Variants in RYR1 observed in about 807,000 individuals in gnomAD.
RYR1 encodes ryanodine receptor 1, also known as central core disease of muscle.
In RYR1, 342 loss-of-function variants were observed where a neutral mutation model predicts 583.5. The observed-to-expected ratio is 0.59, with a 90% CI of 0.54 to 0.64. The LOEUF (loss-of-function observed/expected upper bound fraction) is 0.64. Ranked by LOEUF, RYR1 falls within the 30% of genes least tolerant of loss-of-function variation. The pLI is 0.00. For synonymous variants in RYR1, 2,791 were observed against 2,822.5 expected, an observed-to-expected ratio of 0.99 and a Z score of 0.35; for missense variants, 6,032 against 6,917.2, an observed-to-expected ratio of 0.87 and a Z score of 4.54.
chr19:38,463,561 C>T, intron 21 of RYR1, 34 bp downstream of exon 21: 1 of 1,597,474 alleles, frequency 6.3e-7, no homozygotes, highest in South Asian at 1.1e-5. Flanking sequence ...GGGAGGCCGG[C>T]TAGACTTGCG....
chr19:38,462,218 G>A (rs932608358), intron 20 of RYR1, among the ~76,000 whole-genome samples: 7 of 152,152 alleles, frequency 4.6e-5, no homozygotes, highest in Admixed American at 6.5e-5. Flanking sequence ...TTGTTCCTCC[G>A]TGAGGAAAAG....
chr19:38,448,437 G>T lies in RYR1; in HGVS notation c.883G>T (p.Asp295Tyr). ...TTGQYLALTE[D>Y]QGLVVVDASK... ...CGGGCAGTACCTAGCGCTCACCGAG[G>T]ACCAGGGCCTGGTGGTGGTTGACGC... is the stretch of plus-strand genomic sequence containing the variant. The change falls in exon 10 of 106, where the codon GAC becomes TAC. Residue 295 changes from aspartate to tyrosine, a missense_variant. Physicochemically the swap from Asp to Tyr is radical, Grantham distance 160. Around this residue, in one of 11 missense-constraint regions of RYR1, gnomAD observed 338 missense variants for 441.6 expected, o/e 0.77. Coordinates refer to ENST00000359596, the MANE Select transcript of RYR1 (RefSeq NM_000540.3). The T allele has an allele frequency of 1.2e-6, 2 of 1,613,796 alleles. No homozygotes were observed. Among genetic ancestry groups the T allele is most frequent in the Non-Finnish European group, 1.7e-6 (2 of 1,180,020 alleles).
chr19:38,571,355 C>T (rs1973704612), intron 94 of RYR1, among the ~76,000 whole-genome samples: 1 of 152,140 alleles, frequency 6.6e-6, no homozygotes, highest in South Asian at 2.1e-4. Context: ...GATAAGGCAC[C>T]AGGCACAGTG....
At chr19:38,567,096 G>C in intron 92 of RYR1, 109 bp downstream of exon 92, 1 of 1,524,268 alleles carries the variant, frequency 6.6e-7, no homozygotes, top group Non-Finnish European at 8.8e-7. Context: ...CTGTGTCCTC[G>C]GCATCACCCA....
chr19:38,516,815 AT>A (rs1970992392), intron 65 of RYR1, among the ~76,000 whole-genome samples: 1 of 152,228 alleles, frequency 6.6e-6, no homozygotes, highest in African/African-American at 2.4e-5. Flanking sequence ...ACAGACAAAA[AT>A]CCCCTGAGTC....
In RYR1 at chr19:38,483,128, A is replaced by G. The variant is rs547160787; in HGVS notation, c.4707+15A>G. On this transcript the variant is annotated intron_variant, in intron 32 of 105. Transcript: ENST00000359596. This position sits in a 1 kb window ranked among gnomAD's most constrained non-coding sequence, Gnocchi z 6.3. ...GGAAGCAGAAGGTACAAGTGCAGTG[A>G]TGGGGGCACTAATGGGGCCAGGCTG... 1 of 1,612,994 alleles carries G rather than the reference A, an allele frequency of 6.2e-7. No homozygotes were observed. The highest frequency in any genetic ancestry group is 1.3e-5 in the African/African-American group (1 of 74,974).
At chr19:38,448,198 G>A (rs1271865405) in intron 9 of RYR1, among the ~76,000 whole-genome samples, 157 bp from the exon 10 acceptor site, 3 of 152,064 alleles carry the variant, frequency 2.0e-5, no homozygotes, top group Non-Finnish European at 4.4e-5. Flanking sequence ...TTGGGAGGCC[G>A]AGGTGGGAGG....
intron 71 of RYR1, among the ~76,000 whole-genome samples, chr19:38,526,059 G>A (rs1971454451): frequency 6.6e-6 from 1 of 152,000 alleles, no homozygotes; most frequent in Non-Finnish European, 1.5e-5. Context: ...AAGACTCTCA[G>A]GGGCTCAGGG....
Position 38,496,186 on chromosome 19 carries a change from G to A in RYR1, c.6549-29G>A. ...GGCCCTCTCCGGACCTGGGCCCCTG[G>A]TGACCCCGCACACTCTGCCCGTGCA... On this transcript the variant is annotated intron_variant, in intron 39 of 105. Coordinates refer to ENST00000359596, the MANE Select transcript of RYR1 (RefSeq NM_000540.3). This position sits in a 1 kb window ranked among gnomAD's most constrained non-coding sequence, Gnocchi z 4.8. 1.2e-5 allele frequency: 19 copies of A among 1,598,744 alleles called. No homozygotes were observed. Among genetic ancestry groups the A allele is most frequent in the Non-Finnish European group, 1.6e-5 (19 of 1,168,148 alleles).
intron 89 of RYR1, among the ~76,000 whole-genome samples, chr19:38,556,808 G>A (rs990207418): frequency 9.2e-5 from 14 of 152,112 alleles, no homozygotes; most frequent in African/African-American, 2.9e-4. Flanking sequence ...TGACCAATGC[G>A]TCCTTGTGGT....
At position 38,565,131 on chromosome 19, in the gene RYR1, G is replaced by C; in HGVS notation, c.12797G>C (p.Gly4266Ala). 2.0e-6 allele frequency: 3 copies of C among 1,530,648 alleles called. No homozygotes were observed. The highest frequency in any genetic ancestry group is 2.6e-6 in the Non-Finnish European group (3 of 1,142,660). 94.8% of individuals were successfully genotyped at this position (1,530,648 alleles called of 1,614,324 possible). ...EPETDEDEGA[G>A]AAEAGAEGAE... ...GAGACCGACGAGGACGAGGGCGCGG[G>C]CGCGGCGGAGGCGGGCGCGGAAGGC... The change falls in exon 91 of 106, where the codon GGC becomes GCC. Residue 4266 changes from glycine to alanine, a missense_variant. Transcript: ENST00000359596. The surrounding 1 kb of genome is among the most constrained non-coding windows in gnomAD (Gnocchi z 4.7).
intron 37 of RYR1, among the ~76,000 whole-genome samples, chr19:38,491,929 T>C (rs1045320602): frequency 1.3e-5 from 2 of 152,244 alleles, no homozygotes; most frequent in African/African-American, 4.8e-5. Context: ...TATTCACTAC[T>C]GGATAAGTCA....
At chr19:38,525,529 C>A (rs1163334919) in intron 71 of RYR1, 27 bp downstream of exon 71, 6 of 1,610,826 alleles carry the variant, frequency 3.7e-6, no homozygotes, top group East Asian at 4.5e-5. Context: ...GTCCTCGGAA[C>A]CTTCCAGGAT....
chr19:38,511,900 A>T (rs1205078457), intron 61 of RYR1, among the ~76,000 whole-genome samples, 172 bp from the exon 62 acceptor site: 2 of 150,006 alleles, frequency 1.3e-5, no homozygotes, highest in Non-Finnish European at 3.0e-5. Flanking sequence ...TGGGCTGGGG[A>T]GGAGGGACAT....
intron 58 of RYR1, among the ~76,000 whole-genome samples, chr19:38,508,214 T>C (rs1445556478): frequency 2.6e-5 from 4 of 152,038 alleles, no homozygotes; most frequent in African/African-American, 9.7e-5. Context: ...ATTTTATTTA[T>C]TTATTTATTT....
At chr19:38,473,182 G>T (rs1157687292) in intron 27 of RYR1, among the ~76,000 whole-genome samples, 195 bp from the exon 28 acceptor site, 1 of 152,092 alleles carries the variant, frequency 6.6e-6, no homozygotes, top group Non-Finnish European at 1.5e-5. Flanking sequence ...TGTTGCAGAG[G>T]GCTGCAAGCA....
At chr19:38,465,630 G>A (rs1436735024) in intron 23 of RYR1, among the ~76,000 whole-genome samples, 3 of 152,122 alleles carry the variant, frequency 2.0e-5, no homozygotes, top group Non-Finnish European at 4.4e-5. Context: ...CGGGTGTGGT[G>A]GCACATGCCT....
intron 13 of RYR1, 83 bp downstream of exon 13, chr19:38,453,097 G>A: frequency 1.4e-6 from 2 of 1,457,242 alleles, no homozygotes; most frequent in African/African-American, 1.4e-5. Context: ...CGCTGGGCGG[G>A]GCAGGGCCTG....
chr19:38,441,319 GGT>G (rs1972671545), intron 2 of RYR1, among the ~76,000 whole-genome samples: 1 of 151,256 alleles, frequency 6.6e-6, no homozygotes, highest in Middle Eastern at 3.4e-3. Flanking sequence ...AAGGAGGAGG[GGT>G]TTTATTTTTT....
Sources: gnomAD v4.1 joint callset for allele counts (sites outside exome capture counted in the v4.1 genomes callset) on GRCh38, gnomAD v4.1.1 for gene constraint, gnomAD v4.1.1 regional missense constraint, Gnocchi (gnomAD v3.1) non-coding constraint, MANE v1.5 for transcripts, NCBI Gene and HGNC (gene_info 2026-07-23, HGNC 2026-07-21) for gene names.